The following DCC variants were observed in gnomAD, a reference collection of about 807,000 sequenced individuals.
DCC encodes the protein netrin receptor DCC.
A neutral mutation model predicts 172.5 loss-of-function variants in DCC; 58 were observed. That is an observed-to-expected ratio of 0.34 (90% CI 0.27 to 0.42). DCC has a LOEUF of 0.42. Among genes scored for constraint, DCC ranks in the 10% least tolerant of loss-of-function variants. The pLI, the probability that DCC is intolerant of heterozygous loss-of-function variation, is 1.00. For missense variants in DCC, 1,740 were observed against 1,791.0 expected (o/e 0.97, Z 0.51); for synonymous variants, 709 against 644.5 (o/e 1.10, Z -1.52).
At chr18:53,214,924 A>G (rs1284806212) in intron 11 of DCC, among the ~76,000 whole-genome samples, 1 of 152,114 alleles carries the variant, frequency 6.6e-6, no homozygotes, top group Non-Finnish European at 1.5e-5. Flanking sequence ...AAAACAAAAT[A>G]CCGTACCTAG....
intron 1 of DCC, among the ~76,000 whole-genome samples, chr18:52,449,519 C>T (rs1988233652): frequency 6.6e-6 from 1 of 152,148 alleles, no homozygotes; most frequent in Non-Finnish European, 1.5e-5. Context: ...GAAGTGATAA[C>T]ACTATAGCAT....
chr18:52,674,311 C>A (rs998077575), intron 1 of DCC, among the ~76,000 whole-genome samples: 3 of 152,052 alleles, frequency 2.0e-5, no homozygotes, highest in Non-Finnish European at 4.4e-5. Flanking sequence ...GTCTGAGAAC[C>A]AGGAATACTA....
rs939377704 is a variant in DCC at position 53,531,079 on chromosome 18, T to G, written c.*426T>G. On this transcript the variant is annotated 3_prime_UTR_variant, in exon 29 of 29. Coordinates refer to ENST00000442544, the MANE Select transcript of DCC (RefSeq NM_005215.4). The stretch of plus-strand genomic sequence containing the variant: ...CATGCCATGGCAAACCAGTGCAAGC[T>G]CACTATTTTGTTTTCAACTTAAACA... The G allele has an allele frequency of 1.7e-5, 4 of 231,804 alleles. No homozygotes were observed. The highest frequency in any genetic ancestry group is 3.5e-5 in the Non-Finnish European group (4 of 115,212). The allele number at this position is 231,804 out of a possible 1,614,324, so 14.4% of individuals were successfully genotyped here. A position where few individuals can be genotyped will look rare whatever the true frequency, so the allele number is the denominator to read the frequency against.
intron 13 of DCC, among the ~76,000 whole-genome samples, chr18:53,309,070 C>A (rs2057234891): frequency 1.3e-5 from 2 of 152,002 alleles, no homozygotes; most frequent in Admixed American, 1.3e-4. Flanking sequence ...CAGGGTTTTG[C>A]TCTCTTACCC....
At chr18:53,135,778 T>G (rs2043732027) in intron 7 of DCC, among the ~76,000 whole-genome samples, 1 of 152,214 alleles carries the variant, frequency 6.6e-6, no homozygotes, top group Non-Finnish European at 1.5e-5. Context: ...TAAGGGAACA[T>G]TTGAGAGTGA....
At chr18:53,493,311 T>C (rs1200363407) in intron 26 of DCC, among the ~76,000 whole-genome samples, 1 of 152,210 alleles carries the variant, frequency 6.6e-6, no homozygotes, top group Admixed American at 6.5e-5. Context: ...TTGAATACTC[T>C]TTATTTCTTC....
chr18:52,887,970 T>A (rs1396129006), intron 2 of DCC, among the ~76,000 whole-genome samples: 1 of 152,200 alleles, frequency 6.6e-6, no homozygotes, highest in Admixed American at 6.6e-5. Context: ...AAAGAAAGTC[T>A]CTTAAGACAC....
chr18:52,462,421 C>T (rs1988659627), intron 1 of DCC, among the ~76,000 whole-genome samples: 1 of 152,146 alleles, frequency 6.6e-6, no homozygotes, highest in Non-Finnish European at 1.5e-5. Flanking sequence ...AATTCTCATC[C>T]TATTTCATTC....
intron 2 of DCC, among the ~76,000 whole-genome samples, chr18:52,880,186 C>A (rs117384601): frequency 6.6e-6 from 1 of 151,790 alleles, no homozygotes; most frequent in African/African-American, 2.4e-5. Flanking sequence ...GGCTGGAGTG[C>A]AGTGGTGCAT....
In DCC at chr18:53,351,423, TGTGTATATATATATACA is replaced by T. The variant is rs1568075297; in HGVS notation, c.2359+11532_2359+11548del. On this transcript the variant is annotated intron_variant, in intron 15 of 28. Coordinates refer to ENST00000442544, the MANE Select transcript of DCC (RefSeq NM_005215.4). ...AGTGTATATATATATATATACACAC[TGTGTATATATATATACA>T]GTGTATATATATATATACACAGTGT... is the stretch of plus-strand genomic sequence containing the variant. Among the ~76,000 whole-genome samples the T allele has an allele frequency of 9.4e-3, 221 of 23,622 alleles. 15 individuals are homozygous for T. Among genetic ancestry groups the T allele is most frequent in the African/African-American group, 0.03 (205 of 6,892 alleles). The allele number at this position is 23,622 out of a possible 152,430, so 15.5% of individuals were successfully genotyped here.
chr18:52,967,513 C>G (rs180671271), intron 5 of DCC, among the ~76,000 whole-genome samples: 387 of 152,298 alleles, frequency 2.5e-3, no homozygotes, highest in Non-Finnish European at 4.3e-3. Context: ...GGTAATAATG[C>G]TTGTGCTAAT....
chr18:53,198,182 A>G (rs2055477632), intron 9 of DCC, among the ~76,000 whole-genome samples: 1 of 152,162 alleles, frequency 6.6e-6, no homozygotes, highest in Admixed American at 6.5e-5. Flanking sequence ...GAAACCAGAG[A>G]TAGCTAATCC....
At position 52,761,027 on chromosome 18, in the gene DCC, A is replaced by G. The variant is rs74253987; in HGVS notation, c.412+8653A>G. 8.0e-4 allele frequency among the ~76,000 whole-genome samples: 122 copies of G among 152,366 alleles called. 1 individual carries two copies. In the East Asian group the frequency reaches 0.021, roughly 26 times the overall value. The stretch of plus-strand genomic sequence containing the variant: ...CATACTCTATAATAAGCAGTCTAAT[A>G]CATTGGTCATTGTATTAGTCCATTT... On this transcript the variant is annotated intron_variant, in intron 2 of 28. Coordinates refer to ENST00000442544, the MANE Select transcript of DCC (RefSeq NM_005215.4).
chr18:52,788,796 A>C (rs1338606179), intron 2 of DCC, among the ~76,000 whole-genome samples: 1 of 152,162 alleles, frequency 6.6e-6, no homozygotes, highest in Non-Finnish European at 1.5e-5. Context: ...GCTGAAGGCA[A>C]AGACAGACCC....
chr18:53,303,992 G>A (rs1304368260), intron 12 of DCC, among the ~76,000 whole-genome samples: 3 of 152,084 alleles, frequency 2.0e-5, no homozygotes, highest in Non-Finnish European at 4.4e-5. Flanking sequence ...GGAGTTTGGT[G>A]GTCCCATGGC....
At chr18:53,244,884 C>G (rs1037964832) in intron 12 of DCC, among the ~76,000 whole-genome samples, 1 of 152,106 alleles carries the variant, frequency 6.6e-6, no homozygotes, top group Admixed American at 6.6e-5. Flanking sequence ...ATTGCCTATA[C>G]TATATTAAGT....
chr18:53,176,467 C>T (rs1348842777), intron 8 of DCC, among the ~76,000 whole-genome samples: 1 of 149,202 alleles, frequency 6.7e-6, no homozygotes, highest in Non-Finnish European at 1.5e-5. Flanking sequence ...ACAATGAACT[C>T]AAACAAATTT....
intron 15 of DCC, among the ~76,000 whole-genome samples, chr18:53,341,743 A>C (rs2057662634): frequency 6.6e-6 from 1 of 152,162 alleles, no homozygotes; most frequent in Admixed American, 6.6e-5. Context: ...AGTGTGTGTG[A>C]GAGACATACC....
intron 9 of DCC, among the ~76,000 whole-genome samples, chr18:53,184,586 A>G (rs1239296336): frequency 6.6e-6 from 1 of 152,110 alleles, no homozygotes; most frequent in African/African-American, 2.4e-5. Context: ...TACTGCAGGC[A>G]ATTATAACAC....
Sources: allele counts gnomAD v4.1 joint callset (sites outside exome capture counted in the v4.1 genomes callset), GRCh38; gene constraint gnomAD v4.1.1; transcripts MANE v1.5; gene names NCBI Gene and HGNC (gene_info 2026-07-23, HGNC 2026-07-21).